CRIM1: variants seen among roughly 807,000 people sequenced by gnomAD.
The protein encoded by CRIM1 is cysteine-rich motor neuron 1 protein.
Under a neutral mutation model 116.4 loss-of-function variants are expected in CRIM1, and 32 were observed. That is an observed-to-expected ratio of 0.27 (90% CI 0.21 to 0.37). The LOEUF (loss-of-function observed/expected upper bound fraction) is 0.37. Among genes scored for constraint, CRIM1 ranks in the 10% least tolerant of loss-of-function variants. The pLI, the probability that CRIM1 is intolerant of heterozygous loss-of-function variation, is 1.00. For missense variants in CRIM1, 1,331 were observed against 1,354.8 expected, an observed-to-expected ratio of 0.98 and a Z score of 0.28; for synonymous variants, 590 against 509.2, an observed-to-expected ratio of 1.16 and a Z score of -2.13.
chr2:36,380,790 T>C (rs569246556), intron 1 of CRIM1, among the ~76,000 whole-genome samples: 4 of 152,356 alleles, frequency 2.6e-5, no homozygotes, highest in South Asian at 2.1e-4. Flanking sequence ...GGAATCAGAA[T>C]TGTGGCATTG....
At position 36,419,778 on chromosome 2, in the gene CRIM1, G is replaced by A. The variant is rs557530954; in HGVS notation, c.506-21480G>A. Among the ~76,000 whole-genome samples, 37 of 152,296 alleles carry A rather than the reference G, an allele frequency of 2.4e-4. No homozygotes were observed. In the Middle Eastern group the frequency reaches 0.01, roughly 42 times the overall value. On this transcript the variant is annotated intron_variant, in intron 2 of 16. Transcript: ENST00000280527. ...GTAAATAAATTTAAAGGGGGCTTTTGGGAAATGTTCTGACATAGGCGATCT... is the reference window on the plus strand; with the variant it reads ...GTAAATAAATTTAAAGGGGGCTTTTAGGAAATGTTCTGACATAGGCGATCT...
chr2:36,400,202 G>A lies in CRIM1; in HGVS notation c.505+3415G>A, dbSNP rs1421403189. Among the ~76,000 whole-genome samples the A allele has an allele frequency of 2.6e-5, 4 of 152,184 alleles. No individual in the cohort carries two copies. In the East Asian group the frequency reaches 7.7e-4, roughly 29 times the overall value. ...AGTCAGTGATATGGAGAGTAGAGGG[G>A]AGGTTCTAGTGGGATTGAAGAATTA... On this transcript the variant is annotated intron_variant, in intron 2 of 16. Transcript: ENST00000280527.
Position 36,551,007 on chromosome 2 carries a change from A to AAAAT in CRIM1, c.*2308_*2311dup, listed in dbSNP as rs1257210035. ...AGAAAAATATAATTTCCTGAAGAAT[A>AAAAT]AAATAGATATATGGCACTTGGAGTG... On this transcript the variant is annotated 3_prime_UTR_variant, in exon 17 of 17. Coordinates refer to ENST00000280527, the MANE Select transcript of CRIM1 (RefSeq NM_016441.3). 1.3e-5 allele frequency: 2 copies of AAAAT among 152,650 alleles called. No homozygotes were observed. Among genetic ancestry groups the AAAAT allele is most frequent in the Non-Finnish European group, 2.9e-5 (2 of 68,044 alleles). The allele number at this position is 152,650 out of a possible 1,614,324, so 9.5% of individuals were successfully genotyped here. A position where few individuals can be genotyped will look rare whatever the true frequency, so the allele number is the denominator to read the frequency against.
At chr2:36,455,444 A>C (rs1042141990) in intron 4 of CRIM1, among the ~76,000 whole-genome samples, 8 of 152,180 alleles carry the variant, frequency 5.3e-5, no homozygotes, top group African/African-American at 1.9e-4. Context: ...GCTACAATTG[A>C]GGCTTAGAGA....
chr2:36,414,238 A>G (rs563715695), intron 2 of CRIM1, among the ~76,000 whole-genome samples: 62 of 152,212 alleles, frequency 4.1e-4, no homozygotes, highest in Non-Finnish European at 8.4e-4. Context: ...GTTATATACA[A>G]ATCCTTATAG....
intron 2 of CRIM1, among the ~76,000 whole-genome samples, chr2:36,434,914 C>T (rs928436707): frequency 1.3e-5 from 2 of 152,136 alleles, no homozygotes; most frequent in Non-Finnish European, 1.5e-5. Context: ...TTCATGCAAG[C>T]CTGTGTTGCG....
chr2:36,383,724 G>GA (rs1262618609), intron 1 of CRIM1, among the ~76,000 whole-genome samples: 1 of 152,128 alleles, frequency 6.6e-6, no homozygotes, highest in Non-Finnish European at 1.5e-5. Flanking sequence ...GAAGAAAATT[G>GA]AAAATCAGAC....
At chr2:36,525,636 T>C (rs1267936760) in intron 13 of CRIM1, among the ~76,000 whole-genome samples, 1 of 152,214 alleles carries the variant, frequency 6.6e-6, no homozygotes. Flanking sequence ...CAGATTATCA[T>C]CTATTCTCAG....
rs761660223 is a variant in CRIM1 at position 36,513,731 on chromosome 2, C to T, written c.1956C>T (p.Thr652=). The T allele has an allele frequency of 1.9e-6, 3 of 1,614,200 alleles. No individual in the cohort carries two copies. The highest frequency in any genetic ancestry group is 2.5e-6 in the Non-Finnish European group (3 of 1,180,028). The change falls in exon 11 of 17, where the codon ACC becomes ACT. Residue 652 remains threonine (T), a synonymous_variant. Transcript: ENST00000280527. Reference sequence around the variant, plus strand: ...CGGTGCCTGCCTGTGGCAACCCCACCATTCACCCTGGACAGTGCTGCCCAT... The same window carrying T: ...CGGTGCCTGCCTGTGGCAACCCCACTATTCACCCTGGACAGTGCTGCCCAT... The part of the protein sequence containing the change: ...TCPVPACGNP[T]IHPGQCCPSC...
At chr2:36,486,244 C>T (rs1015193170) in intron 7 of CRIM1, among the ~76,000 whole-genome samples, 4 of 152,092 alleles carry the variant, frequency 2.6e-5, no homozygotes, top group Admixed American at 6.5e-5. Context: ...ATGTTAGATC[C>T]ACCACTTACA....
chr2:36,359,037 T>A (rs1233079623), intron 1 of CRIM1, among the ~76,000 whole-genome samples: 3 of 152,218 alleles, frequency 2.0e-5, no homozygotes, highest in African/African-American at 7.2e-5. Flanking sequence ...GTATTGATTA[T>A]CTCTTGTTTT....
chr2:36,416,520 T>G (rs962194899), intron 2 of CRIM1, among the ~76,000 whole-genome samples: 4 of 152,194 alleles, frequency 2.6e-5, no homozygotes, highest in Non-Finnish European at 5.9e-5. Context: ...GAAAACAAGA[T>G]GTAACTCCTA....
chr2:36,431,618 C>CTAT (rs1284418386), intron 2 of CRIM1, among the ~76,000 whole-genome samples: 2 of 152,186 alleles, frequency 1.3e-5, no homozygotes, highest in Non-Finnish European at 2.9e-5. Context: ...ACTAAAAACT[C>CTAT]TATAGAGTGT....
At chr2:36,542,677 T>C (rs1310461473) in intron 14 of CRIM1, among the ~76,000 whole-genome samples, 1 of 152,154 alleles carries the variant, frequency 6.6e-6, no homozygotes, top group East Asian at 1.9e-4. Context: ...ATAGGAAGGC[T>C]CAGTGTGAAG....
chr2:36,513,875 A>G (rs576529267), intron 11 of CRIM1, 110 bp downstream of exon 11: 136 of 862,924 alleles, frequency 1.6e-4, no homozygotes, highest in South Asian at 1.0e-3. Context: ...CCCCTGGAAC[A>G]CTTTTCAGCA....
intron 4 of CRIM1, among the ~76,000 whole-genome samples, chr2:36,458,357 A>T (rs763552930): frequency 2.0e-5 from 3 of 152,096 alleles, no homozygotes; most frequent in Non-Finnish European, 4.4e-5. Flanking sequence ...GGGAGGGGCA[A>T]ACAGGACTCC....
intron 2 of CRIM1, among the ~76,000 whole-genome samples, chr2:36,407,072 G>A (rs927079169): frequency 2.0e-5 from 3 of 152,102 alleles, no homozygotes; most frequent in African/African-American, 7.2e-5. Flanking sequence ...GGTCCCAGCT[G>A]ATTTTTCCTT....
chr2:36,539,212 AGAT>A, intron 14 of CRIM1, among the ~76,000 whole-genome samples: 1 of 152,308 alleles, frequency 6.6e-6, no homozygotes, highest in East Asian at 1.9e-4. Flanking sequence ...CTTACCAACA[AGAT>A]GAGATTTAAT....
chr2:36,522,948 T>C (rs1478516379), intron 13 of CRIM1, among the ~76,000 whole-genome samples: 2 of 152,094 alleles, frequency 1.3e-5, no homozygotes, highest in East Asian at 1.9e-4. Flanking sequence ...GCCTATTTTT[T>C]ACAGTGGTTT....
Sources: gnomAD v4.1 joint callset for allele counts (sites outside exome capture counted in the v4.1 genomes callset) on GRCh38, gnomAD v4.1.1 for gene constraint, MANE v1.5 for transcripts, NCBI Gene and HGNC (gene_info 2026-07-23, HGNC 2026-07-21) for gene names.